EDN1: variants seen among roughly 807,000 people sequenced by gnomAD.
EDN1 encodes endothelin-1.
EDN1 carries 11 observed loss-of-function variants against 21.7 expected under a neutral mutation model. The ratio of observed to expected loss-of-function variants is 0.51; its 90% confidence interval spans 0.32 to 0.84. The LOEUF (loss-of-function observed/expected upper bound fraction) is 0.84. EDN1 is among the 40% of genes least tolerant of loss of function. EDN1 has a pLI of 0.03. For missense variants in EDN1, 244 were observed against 262.3 expected (o/e 0.93, Z 0.48); for synonymous variants, 85 against 90.6 (o/e 0.94, Z 0.35).
chr6:12,294,217 G>C, intron 3 of EDN1, 44 bp from the exon 4 acceptor site: 2 of 1,613,812 alleles, frequency 1.2e-6, no homozygotes, highest in South Asian at 1.1e-5. Flanking sequence ...GGGTAAAGCT[G>C]AATATAACAT....
chr6:12,294,520 G>A (rs905720832), intron 4 of EDN1, 116 bp downstream of exon 4: 1 of 1,208,348 alleles, frequency 8.3e-7, no homozygotes, highest in South Asian at 1.3e-5. Flanking sequence ...GAAAGACTTA[G>A]AAAACAGTAG....
At chr6:12,284,888 TA>T in the EDN1 span, among the ~76,000 whole-genome samples, 1 of 152,154 alleles carries the variant, frequency 6.6e-6, no homozygotes, top group African/African-American at 2.4e-5. Context: ...AAAGCTTGTT[TA>T]AAATGACTTC....
the EDN1 span, among the ~76,000 whole-genome samples, chr6:12,270,492 A>G: frequency 6.6e-6 from 1 of 151,930 alleles, no homozygotes; most frequent in Non-Finnish European, 1.5e-5. Flanking sequence ...TTTCATTTGT[A>G]TTAAATTATT....
the EDN1 span, among the ~76,000 whole-genome samples, chr6:12,266,237 G>A: frequency 4.8e-3 from 738 of 152,258 alleles, 5 homozygotes; most frequent in African/African-American, 0.017. Flanking sequence ...GGAAGAAAGA[G>A]GAGCTAATAA....
chr6:12,290,412 T>A lies in EDN1; in HGVS notation c.-218T>A, dbSNP rs1448460953. On this transcript the variant is annotated 5_prime_UTR_variant, in exon 1 of 5. Transcript: ENST00000379375. ...CGAACGGGTCCTGCGCCTCCTGCAG[T>A]CCCAGCTCTCCACCGCCGCGTGCGC... 6.8e-6 allele frequency: 4 copies of A among 584,974 alleles called. No individual in the cohort carries two copies. The highest frequency in any genetic ancestry group is 1.2e-5 in the Non-Finnish European group (4 of 329,436). 36.2% of individuals were successfully genotyped at this position (584,974 alleles called of 1,614,324 possible).
the EDN1 span, among the ~76,000 whole-genome samples, chr6:12,241,166 C>CTTTCTTT: frequency 7.2e-6 from 1 of 138,358 alleles, no homozygotes; most frequent in Non-Finnish European, 1.5e-5. Flanking sequence ...TTCTTTCTTT[C>CTTTCTTT]TTTTTTTTTT....
the EDN1 span, among the ~76,000 whole-genome samples, chr6:12,276,852 G>A: frequency 6.6e-6 from 1 of 152,174 alleles, no homozygotes; most frequent in Non-Finnish European, 1.5e-5. Context: ...GTGGTTAATG[G>A]GTCAAGGATT....
the EDN1 span, among the ~76,000 whole-genome samples, chr6:12,263,062 C>G: frequency 6.6e-6 from 1 of 152,036 alleles, no homozygotes; most frequent in African/African-American, 2.4e-5. Flanking sequence ...TAGAGCAGGA[C>G]ACATAACTGT....
intron 4 of EDN1, 45 bp downstream of exon 4, chr6:12,294,449 A>G (rs768276413): frequency 2.5e-6 from 4 of 1,610,660 alleles, no homozygotes; most frequent in Non-Finnish European, 3.4e-6. Flanking sequence ...TCACAAGAAC[A>G]ACTAGCCCCA....
At chr6:12,260,619 A>T in the EDN1 span, among the ~76,000 whole-genome samples, 2 of 152,192 alleles carry the variant, frequency 1.3e-5, no homozygotes, top group Non-Finnish European at 2.9e-5. Flanking sequence ...TCATATAACC[A>T]CATAAATATT....
At chr6:12,273,046 G>C in the EDN1 span, among the ~76,000 whole-genome samples, 1 of 152,148 alleles carries the variant, frequency 6.6e-6, no homozygotes, top group African/African-American at 2.4e-5. Context: ...GCCCAGTGAT[G>C]AGCACTAAGT....
the EDN1 span, among the ~76,000 whole-genome samples, chr6:12,282,745 T>C: frequency 6.6e-6 from 1 of 152,206 alleles, no homozygotes; most frequent in Non-Finnish European, 1.5e-5. Context: ...TTCCCACATT[T>C]CTCTAAAATA....
chr6:12,291,217 T>TCC (rs56214323), intron 1 of EDN1, among the ~76,000 whole-genome samples: 36 of 92,128 alleles, frequency 3.9e-4, no homozygotes, highest in Non-Finnish European at 5.0e-4. Context: ...AACTACCGCC[T>TCC]CCCCCCCCCC....
At chr6:12,271,422 G>A in the EDN1 span, among the ~76,000 whole-genome samples, 1 of 152,074 alleles carries the variant, frequency 6.6e-6, no homozygotes, top group African/African-American at 2.4e-5. Context: ...ATTTTTAGCT[G>A]ATAATAATAA....
At chr6:12,267,514 G>C in the EDN1 span, among the ~76,000 whole-genome samples, 3 of 152,174 alleles carry the variant, frequency 2.0e-5, no homozygotes, top group Admixed American at 1.3e-4. Context: ...CCAGAGCAAG[G>C]CCCTAACTAT....
intron 1 of EDN1, among the ~76,000 whole-genome samples, chr6:12,291,923 CTG>C (rs1326571342): frequency 2.0e-5 from 3 of 152,232 alleles, no homozygotes; most frequent in East Asian, 1.9e-4. Flanking sequence ...CTAGGAATAA[CTG>C]TGATTTCTTG....
upstream of EDN1, among the ~76,000 whole-genome samples, chr6:12,289,523 G>C (rs1403380895): frequency 2.0e-5 from 3 of 151,916 alleles, no homozygotes; most frequent in Non-Finnish European, 4.4e-5. Flanking sequence ...TCTCCCCCTG[G>C]TGTTCTTCTC....
At chr6:12,276,416 T>G in the EDN1 span, among the ~76,000 whole-genome samples, 1 of 152,302 alleles carries the variant, frequency 6.6e-6, no homozygotes, top group Non-Finnish European at 1.5e-5. Flanking sequence ...TAAGTTACTG[T>G]GCAAAAGCTG....
At chr6:12,290,309 C>G (rs1199540431), upstream of EDN1, 2 of 382,386 alleles carry the variant, frequency 5.2e-6, no homozygotes, top group Admixed American at 7.8e-5. Flanking sequence ...GCTGTTTACC[C>G]CCACTCTAAT....
Sources: allele counts gnomAD v4.1 joint callset (sites outside exome capture counted in the v4.1 genomes callset), GRCh38; gene constraint gnomAD v4.1.1; transcripts MANE v1.5; gene names NCBI Gene and HGNC (gene_info 2026-07-23, HGNC 2026-07-21).